Variants in GRAMD1C observed in about 807,000 individuals in gnomAD.
The protein encoded by GRAMD1C is GRAM domain containing 1C.
A neutral mutation model predicts 97.8 loss-of-function variants in GRAMD1C; 89 were observed. That is an observed-to-expected ratio of 0.91 (90% CI 0.77 to 1.09). The LOEUF (loss-of-function observed/expected upper bound fraction) is 1.09. Ranked by LOEUF, GRAMD1C falls within the 50% of genes least tolerant of loss-of-function variation. The pLI is 0.00. For synonymous variants in GRAMD1C, 256 were observed against 267.0 expected (o/e 0.96, Z 0.40); for missense variants, 740 against 766.4 (o/e 0.97, Z 0.41).
intron 8 of GRAMD1C, among the ~76,000 whole-genome samples, chr3:113,905,289 A>G (rs1936330381): frequency 6.6e-6 from 1 of 152,192 alleles, no homozygotes; most frequent in South Asian, 2.1e-4. Flanking sequence ...TTTCTGGCAC[A>G]ACAATATCTT....
intron 3 of GRAMD1C, among the ~76,000 whole-genome samples, chr3:113,873,941 C>A (rs1934931053): frequency 6.6e-6 from 1 of 152,098 alleles, no homozygotes; most frequent in South Asian, 2.1e-4. Flanking sequence ...GACCTTTAGC[C>A]CAATCTCTGT....
At chr3:113,839,804 T>G (rs1226623854) in intron 1 of GRAMD1C, among the ~76,000 whole-genome samples, 1 of 152,132 alleles carries the variant, frequency 6.6e-6, no homozygotes, top group Non-Finnish European at 1.5e-5. Context: ...TTTCCTCTAT[T>G]GTAGAGTTAA....
intron 5 of GRAMD1C, among the ~76,000 whole-genome samples, chr3:113,876,874 AGAG>A (rs1355540571): frequency 1.3e-5 from 2 of 151,970 alleles, no homozygotes; most frequent in Non-Finnish European, 2.9e-5. Flanking sequence ...AGAGAAAAAA[AGAG>A]GAGGGGTAGG....
At chr3:113,878,018 G>A (rs751980523) in intron 5 of GRAMD1C, among the ~76,000 whole-genome samples, 4 of 152,128 alleles carry the variant, frequency 2.6e-5, no homozygotes, top group African/African-American at 4.8e-5. Flanking sequence ...GACCTCAGGC[G>A]ATCCGCTCAC....
intron 10 of GRAMD1C, among the ~76,000 whole-genome samples, chr3:113,929,622 A>G (rs373260263): frequency 6.6e-6 from 1 of 152,202 alleles, no homozygotes; most frequent in East Asian, 1.9e-4. Context: ...GTAATTTAGA[A>G]TTAGTTGTAT....
chr3:113,887,328 G>A (rs1411381479), intron 6 of GRAMD1C, among the ~76,000 whole-genome samples: 1 of 151,692 alleles, frequency 6.6e-6, no homozygotes. Flanking sequence ...CTGACCTCTG[G>A]TGTTTCACCC....
intron 2 of GRAMD1C, among the ~76,000 whole-genome samples, chr3:113,853,210 G>A (rs576438041): frequency 2.0e-5 from 3 of 152,246 alleles, no homozygotes; most frequent in Admixed American, 6.5e-5. Context: ...TGAAATAATC[G>A]TAATTAAAGA....
At chr3:113,896,355 T>A (rs1325520458) in intron 6 of GRAMD1C, among the ~76,000 whole-genome samples, 1 of 152,194 alleles carries the variant, frequency 6.6e-6, no homozygotes, top group Non-Finnish European at 1.5e-5. Flanking sequence ...CCCTGAATCT[T>A]TTTTTGCTGG....
intron 6 of GRAMD1C, among the ~76,000 whole-genome samples, chr3:113,888,505 A>G (rs1935596748): frequency 6.6e-6 from 1 of 152,230 alleles, no homozygotes; most frequent in Admixed American, 6.5e-5. Context: ...AGTACAAAAA[A>G]AGAAAGAAGG....
intron 10 of GRAMD1C, chr3:113,920,028 G>T: frequency 1.2e-6 from 1 of 810,714 alleles, no homozygotes; most frequent in South Asian, 1.5e-5. Context: ...GTTTCAGTAA[G>T]GTACTTTTTG....
chr3:113,942,628 C>T (rs1049298101), intron 17 of GRAMD1C, among the ~76,000 whole-genome samples: 2 of 152,184 alleles, frequency 1.3e-5, no homozygotes, highest in Non-Finnish European at 2.9e-5. Context: ...AGGATGGTCC[C>T]AGGATTCAGT....
intron 2 of GRAMD1C, among the ~76,000 whole-genome samples, chr3:113,846,972 A>G (rs1933638557): frequency 6.6e-6 from 1 of 152,212 alleles, no homozygotes; most frequent in Non-Finnish European, 1.5e-5. Context: ...AAAACAAAAA[A>G]AAGACCCCAT....
intron 6 of GRAMD1C, among the ~76,000 whole-genome samples, chr3:113,895,658 G>A (rs1289446313): frequency 2.0e-5 from 3 of 152,162 alleles, no homozygotes; most frequent in African/African-American, 7.2e-5. Context: ...CTATGTAATA[G>A]CATGGCAGTA....
chr3:113,872,473 C>T (rs1472970255), intron 3 of GRAMD1C, among the ~76,000 whole-genome samples: 1 of 147,016 alleles, frequency 6.8e-6, no homozygotes, highest in Non-Finnish European at 1.5e-5. Flanking sequence ...CGGCTCACTG[C>T]AACCTCCACC....
At chr3:113,850,349 C>T (rs528010139) in intron 2 of GRAMD1C, 45 of 757,926 alleles carry the variant, frequency 5.9e-5, no homozygotes, top group South Asian at 2.2e-4. Flanking sequence ...CACAAAACTC[C>T]GTCTGTAGGT....
At chr3:113,861,390 C>T (rs1382371277) in intron 2 of GRAMD1C, among the ~76,000 whole-genome samples, 2 of 152,084 alleles carry the variant, frequency 1.3e-5, no homozygotes. Flanking sequence ...CCTGTCTTCC[C>T]ACCTACTTAG....
chr3:113,918,967 C>T (rs768422776), intron 10 of GRAMD1C, among the ~76,000 whole-genome samples: 6 of 152,184 alleles, frequency 3.9e-5, no homozygotes, highest in Non-Finnish European at 8.8e-5. Context: ...AAGTGCTGGG[C>T]AAGTGTGAGC....
chr3:113,891,606 C>T (rs1210669778), intron 6 of GRAMD1C, among the ~76,000 whole-genome samples: 1 of 151,760 alleles, frequency 6.6e-6, no homozygotes, highest in Non-Finnish European at 1.5e-5. Context: ...TTTGGCCAAG[C>T]ATGGTGACTC....
chr3:113,924,796 A>G (rs370427202), intron 10 of GRAMD1C, among the ~76,000 whole-genome samples: 307 of 152,260 alleles, frequency 2.0e-3, no homozygotes, highest in African/African-American at 7.1e-3. Context: ...ATTTGGTTAA[A>G]TGTCAAGTTC....
Sources: gnomAD v4.1 joint callset for allele counts (sites outside exome capture counted in the v4.1 genomes callset) on GRCh38, gnomAD v4.1.1 for gene constraint, MANE v1.5 for transcripts, NCBI Gene and HGNC (gene_info 2026-07-23, HGNC 2026-07-21) for gene names.